Variants in GPC5 observed in about 807,000 individuals in gnomAD.
GPC5 encodes the protein glypican-5.
In GPC5, 47 loss-of-function variants were observed where a neutral mutation model predicts 53.9. That is an observed-to-expected ratio of 0.87 (90% CI 0.69 to 1.11). GPC5 has a LOEUF of 1.11. GPC5 is among the 50% of genes most tolerant of loss of function. The pLI is 0.00. For synonymous variants in GPC5, 286 were observed against 263.3 expected, an observed-to-expected ratio of 1.09 and a Z score of -0.84; for missense variants, 748 against 713.1, an observed-to-expected ratio of 1.05 and a Z score of -0.56.
At chr13:92,189,389 A>G (rs1372168563) in intron 7 of GPC5, among the ~76,000 whole-genome samples, 1 of 152,084 alleles carries the variant, frequency 6.6e-6, no homozygotes, top group Non-Finnish European at 1.5e-5. Flanking sequence ...AGCCACCTCC[A>G]GCCGTTCTGT....
intron 1 of GPC5, among the ~76,000 whole-genome samples, chr13:91,420,778 G>A (rs1361899479): frequency 6.6e-6 from 1 of 152,150 alleles, no homozygotes; most frequent in Non-Finnish European, 1.5e-5. Flanking sequence ...GGTTTTATAA[G>A]GAGCTCTTCA....
intron 2 of GPC5, among the ~76,000 whole-genome samples, chr13:91,634,956 C>T (rs949369563): frequency 2.0e-5 from 3 of 152,084 alleles, no homozygotes; most frequent in Non-Finnish European, 4.4e-5. Flanking sequence ...TGTTCTCCCT[C>T]ATTTTGTCAT....
intron 2 of GPC5, among the ~76,000 whole-genome samples, chr13:91,560,901 T>TA (rs2031222647): frequency 6.6e-6 from 1 of 152,138 alleles, no homozygotes; most frequent in African/African-American, 2.4e-5. Flanking sequence ...CAGAACTCTG[T>TA]GGTTGAAGCC....
Position 91,959,953 on chromosome 13 carries a change from A to G in GPC5, c.1401+51896A>G, listed in dbSNP as rs183202403. Among the ~76,000 whole-genome samples the G allele has an allele frequency of 3.9e-5, 6 of 152,128 alleles. No homozygotes were observed. In the East Asian group the frequency reaches 7.7e-4, roughly 20 times the overall value. On this transcript the variant is annotated intron_variant, in intron 6 of 7. Transcript: ENST00000377067. ...AGGCATAGAAGGAATATACTTCAAC[A>G]TTATAAAGGCAAACCCAAAACCAGC... is the stretch of plus-strand genomic sequence containing the variant.
intron 7 of GPC5, among the ~76,000 whole-genome samples, chr13:92,830,215 A>G (rs1473350893): frequency 6.6e-6 from 1 of 152,084 alleles, no homozygotes; most frequent in Non-Finnish European, 1.5e-5. Flanking sequence ...ATCATTTTCC[A>G]CATTGTTTTT....
chr13:91,855,193 C>G (rs1477907107), intron 5 of GPC5, among the ~76,000 whole-genome samples: 2 of 151,694 alleles, frequency 1.3e-5, no homozygotes, highest in African/African-American at 4.8e-5. Flanking sequence ...ACTTTACCTT[C>G]TGTACAGGTG....
At chr13:92,116,063 C>A (rs879356067) in intron 6 of GPC5, among the ~76,000 whole-genome samples, 10 of 151,664 alleles carry the variant, frequency 6.6e-5, no homozygotes, top group African/African-American at 2.4e-4. Context: ...CCAGGCTGGG[C>A]AACATAGCAG....
At chr13:91,567,945 T>C (rs1409081900) in intron 2 of GPC5, among the ~76,000 whole-genome samples, 1 of 152,144 alleles carries the variant, frequency 6.6e-6, no homozygotes, top group African/African-American at 2.4e-5. Flanking sequence ...TGGGGGCAGT[T>C]TCTCCCATGC....
At chr13:91,946,274 C>T (rs537368933) in intron 6 of GPC5, among the ~76,000 whole-genome samples, 2 of 151,762 alleles carry the variant, frequency 1.3e-5, no homozygotes, top group African/African-American at 4.8e-5. Context: ...CTTCTGTTTT[C>T]TGGGAGAAGT....
At chr13:92,281,158 G>A (rs749856228) in intron 7 of GPC5, among the ~76,000 whole-genome samples, 2 of 152,172 alleles carry the variant, frequency 1.3e-5, no homozygotes, top group Non-Finnish European at 2.9e-5. Context: ...TGCTAGTAAG[G>A]CAGTCTGAGA....
At chr13:91,866,336 A>G (rs2039084825) in intron 5 of GPC5, among the ~76,000 whole-genome samples, 1 of 152,134 alleles carries the variant, frequency 6.6e-6, no homozygotes, top group South Asian at 2.1e-4. Flanking sequence ...TATGGTTTGG[A>G]TATTTTGTCC....
chr13:92,079,716 C>T (rs1007124733), intron 6 of GPC5, among the ~76,000 whole-genome samples: 25 of 152,148 alleles, frequency 1.6e-4, no homozygotes, highest in African/African-American at 5.8e-4. Flanking sequence ...CAGGTTAGAC[C>T]GCAGTGTATA....
At chr13:92,265,910 C>T (rs1324707235) in intron 7 of GPC5, among the ~76,000 whole-genome samples, 1 of 152,158 alleles carries the variant, frequency 6.6e-6, no homozygotes, top group African/African-American at 2.4e-5. Flanking sequence ...CAAGGGGCTT[C>T]TTGCTACATC....
intron 4 of GPC5, among the ~76,000 whole-genome samples, chr13:91,747,276 G>A (rs1007452363): frequency 6.6e-6 from 1 of 152,124 alleles, no homozygotes; most frequent in African/African-American, 2.4e-5. Flanking sequence ...TTCAGGGTGG[G>A]TTGCATTCCC....
chr13:91,709,242 G>A (rs1356168685), intron 3 of GPC5, among the ~76,000 whole-genome samples: 1 of 152,150 alleles, frequency 6.6e-6, no homozygotes. Context: ...ACAGAAGTCA[G>A]AATGCTATTT....
At chr13:91,542,188 T>C (rs556367162) in intron 2 of GPC5, among the ~76,000 whole-genome samples, 1 of 152,092 alleles carries the variant, frequency 6.6e-6, no homozygotes, top group East Asian at 1.9e-4. Context: ...TTTTTAAATG[T>C]ATTTTTTGTT....
chr13:92,129,917 G>A (rs987471116), intron 6 of GPC5, among the ~76,000 whole-genome samples: 27 of 152,232 alleles, frequency 1.8e-4, no homozygotes, highest in African/African-American at 4.6e-4. Context: ...CAGAAGAGCC[G>A]TTGGTCAAAA....
intron 6 of GPC5, among the ~76,000 whole-genome samples, chr13:92,129,531 A>T (rs1224807472): frequency 2.0e-5 from 3 of 152,206 alleles, no homozygotes; most frequent in Non-Finnish European, 1.5e-5. Flanking sequence ...CAATAAGCAC[A>T]GCTCCACAGA....
At chr13:92,394,228 G>T (rs765967586) in intron 7 of GPC5, among the ~76,000 whole-genome samples, 7 of 152,090 alleles carry the variant, frequency 4.6e-5, no homozygotes, top group Non-Finnish European at 1.0e-4. Flanking sequence ...GCAAATGAAA[G>T]CCTACTAAAA....
Sources: gnomAD v4.1 joint callset for allele counts (sites outside exome capture counted in the v4.1 genomes callset) on GRCh38, gnomAD v4.1.1 for gene constraint, MANE v1.5 for transcripts, NCBI Gene and HGNC (gene_info 2026-07-23, HGNC 2026-07-21) for gene names.